The following MEGF8 variants were observed in gnomAD, a reference collection of about 807,000 sequenced individuals.
The protein encoded by MEGF8 is multiple EGF like domains 8.
MEGF8 carries 156 observed loss-of-function variants against 302.9 expected under a neutral mutation model. That is an observed-to-expected ratio of 0.52 (90% CI 0.45 to 0.59). The LOEUF is 0.59. Ranked by LOEUF, MEGF8 falls within the 20% of genes least tolerant of loss-of-function variation. The probability of loss-of-function intolerance (pLI) is 0.00; values close to 1 mark genes in which losing one functional copy is unlikely to be tolerated. For missense variants in MEGF8, 3,345 were observed against 3,964.5 expected, an observed-to-expected ratio of 0.84 and a Z score of 4.20; for synonymous variants, 1,621 against 1,660.5, an observed-to-expected ratio of 0.98 and a Z score of 0.58.
At chr19:42,366,211 C>G (rs1329861965) in intron 35 of MEGF8, among the ~76,000 whole-genome samples, 1 of 152,054 alleles carries the variant, frequency 6.6e-6, no homozygotes, top group Non-Finnish European at 1.5e-5. Flanking sequence ...TTCTTTTTTT[C>G]TTTTTTTGAA....
rs1243263852 is a variant in MEGF8 at position 42,356,795 on chromosome 19, G to A, written c.4644G>A (p.Arg1548=). ...CCAGGTACTCAGTGAGTGAGCGGCG[G>A]TGGACACAGATGCTGGCGGGAGCCG... ...NLYRYSVSER[R]WTQMLAGAED... is the part of the protein sequence containing the mutation. Residue 1548 remains arginine, a synonymous_variant, in exon 27 of 42, where the codon CGG becomes CGA. Coordinates refer to ENST00000251268, the MANE Select transcript of MEGF8 (RefSeq NM_001271938.2). This position sits in a 1 kb window ranked among gnomAD's most constrained non-coding sequence, Gnocchi z 5.2. 6.4e-7 allele frequency: 1 copy of A among 1,554,330 alleles called. No individual in the cohort carries two copies. The highest frequency in any genetic ancestry group is 8.7e-7 in the Non-Finnish European group (1 of 1,149,102).
chr19:42,336,218 C>T lies in MEGF8; in HGVS notation c.1116C>T (p.Ser372=), dbSNP rs746659886. ...TCCGTTTCCGCCTTGACAGCACCAG[C>T]GGGGGCTATTGGGAGCAGGTGATTC... The part of the protein sequence containing the change: ...GLFRFRLDST[S]GGYWEQVIPA... Residue 372 remains serine, a synonymous_variant, in exon 6 of 42, where the codon AGC becomes AGT. Coordinates refer to ENST00000251268, the MANE Select transcript of MEGF8 (RefSeq NM_001271938.2). This position sits in a 1 kb window ranked among gnomAD's most constrained non-coding sequence, Gnocchi z 4.8. 1.5e-4 allele frequency: 242 copies of T among 1,609,736 alleles called. 3 individuals are homozygous for T. Among genetic ancestry groups the T allele is most frequent in the Middle Eastern group, 4.9e-4 (3 of 6,062 alleles).
chr19:42,356,698 C>T lies in MEGF8; in HGVS notation c.4623-76C>T. ...AAGGTCACCCCAGGGGATGCGGGGA[C>T]ATCTGTCAGGCAGGGTCACCTTGAA... On this transcript the variant is annotated intron_variant, in intron 26 of 41. Coordinates refer to ENST00000251268, the MANE Select transcript of MEGF8 (RefSeq NM_001271938.2). The surrounding 1 kb of genome is among the most constrained non-coding windows in gnomAD (Gnocchi z 5.2). The T allele has an allele frequency of 7.0e-7, 1 of 1,425,398 alleles. No individual in the cohort carries two copies. The highest frequency in any genetic ancestry group is 1.4e-5 in the South Asian group (1 of 72,756). The allele number at this position is 1,425,398 out of a possible 1,614,324, so 88.3% of individuals were successfully genotyped here. A position where few individuals can be genotyped will look rare whatever the true frequency, so the allele number is the denominator to read the frequency against.
At chr19:42,371,515 G>T (rs775764931) in intron 41 of MEGF8, 33 bp downstream of exon 41, 2 of 1,613,022 alleles carry the variant, frequency 1.2e-6, no homozygotes, top group Non-Finnish European at 8.5e-7. Context: ...TGGGCCGAGG[G>T]CCCTACACCT....
Position 42,359,231 on chromosome 19 carries a change from C to G in MEGF8, c.5477C>G (p.Pro1826Arg), listed in dbSNP as rs373601254. Residue 1826 changes from proline (P) to arginine (R), a missense_variant, in exon 31 of 42, where the codon CCC (proline) becomes CGC (arginine). Coordinates refer to ENST00000251268, the MANE Select transcript of MEGF8 (RefSeq NM_001271938.2). ...GTCAACTGCAATGCCTGGCTTCTGC[C>G]CGACCTCACCCGTAAGTCCCCATTG... Reference protein sequence around the residue: ...YQVNCNAWLLPDLTRSASVGP... With the variant: ...YQVNCNAWLLRDLTRSASVGP... The G allele has an allele frequency of 2.3e-5, 36 of 1,570,022 alleles. No individual in the cohort carries two copies. Among genetic ancestry groups the G allele is most frequent in the Non-Finnish European group, 2.8e-5 (32 of 1,157,682 alleles).
At position 42,370,737 on chromosome 19, in the gene MEGF8, G is replaced by C; in HGVS notation, c.7042G>C (p.Glu2348Gln). The change falls in exon 40 of 42, where the codon GAG becomes CAG. Residue 2348 changes from glutamate to glutamine, a missense_variant. Glu to Gln is a conservative substitution (Grantham distance 29). Coordinates refer to ENST00000251268, the MANE Select transcript of MEGF8 (RefSeq NM_001271938.2). ...NWVTEGPSEDEAVCVNCQNNS... is the reference protein window; with the variant it reads ...NWVTEGPSEDQAVCVNCQNNS... The stretch of plus-strand genomic sequence containing the variant: ...GGTGACAGAGGGTCCTAGTGAAGAC[G>C]AGGCCGTGTGCGTGAACTGCCAGAA... 1 of 1,588,258 alleles carries C rather than the reference G, an allele frequency of 6.3e-7. No homozygotes were observed. Among genetic ancestry groups the C allele is most frequent in the South Asian group, 1.1e-5 (1 of 86,974 alleles).
At position 42,352,135 on chromosome 19, in the gene MEGF8, T is replaced by G. The variant is rs2039383386; in HGVS notation, c.3102-73T>G. The G allele has an allele frequency of 3.5e-6, 5 of 1,443,712 alleles. No homozygotes were observed. The highest frequency in any genetic ancestry group is 4.6e-6 in the Non-Finnish European group (5 of 1,091,290). The allele number at this position is 1,443,712 out of a possible 1,614,324, so 89.4% of individuals were successfully genotyped here. A position where few individuals can be genotyped will look rare whatever the true frequency, so the allele number is the denominator to read the frequency against. ...CTCTCCTTCCAATTGGCCTCCTCTC[T>G]CCCTGTCATTGTTTCTATGTATGGC... On this transcript the variant is annotated intron_variant, in intron 18 of 41. Coordinates refer to ENST00000251268, the MANE Select transcript of MEGF8 (RefSeq NM_001271938.2). This position sits in a 1 kb window ranked among gnomAD's most constrained non-coding sequence, Gnocchi z 4.4.
In MEGF8 at chr19:42,356,258, T is replaced by C. The variant is rs970750366; in HGVS notation, c.4503+65T>C. 1.6e-5 allele frequency: 24 copies of C among 1,529,964 alleles called. No homozygotes were observed. The highest frequency in any genetic ancestry group is 2.2e-4 in the Middle Eastern group (1 of 4,608). The allele number at this position is 1,529,964 out of a possible 1,614,324, so 94.8% of individuals were successfully genotyped here. On this transcript the variant is annotated intron_variant, in intron 25 of 41. Coordinates refer to ENST00000251268, the MANE Select transcript of MEGF8 (RefSeq NM_001271938.2). This position sits in a 1 kb window ranked among gnomAD's most constrained non-coding sequence, Gnocchi z 5.2. ...CAGGTCGTTCTCCCACCTCCATTCC[T>C]GGGACCACCCCTACACCCAGGCCTG...
rs1252854271 is a variant in MEGF8, at chr19:42,352,341, C to T, written c.3235C>T (p.Arg1079Cys). 3 of 1,586,788 alleles carry T rather than the reference C, an allele frequency of 1.9e-6. No homozygotes were observed. Among genetic ancestry groups the T allele is most frequent in the Middle Eastern group, 1.7e-4 (1 of 5,992 alleles). The change falls in exon 19 of 42, where the codon CGC becomes TGC. Residue 1079 changes from arginine to cysteine, a missense_variant. Physicochemically the swap from Arg to Cys is radical, Grantham distance 180. Transcript: ENST00000251268. The surrounding 1 kb of genome is among the most constrained non-coding windows in gnomAD (Gnocchi z 4.4). Reference sequence around the variant, plus strand: ...CCGCTGTCCTGACGTGGATGAGTGTCGCCTGGGCCTGGCCCGGTGCCACCC... The same window carrying T: ...CCGCTGTCCTGACGTGGATGAGTGTTGCCTGGGCCTGGCCCGGTGCCACCC... The part of the protein sequence containing the change: ...YARCPDVDEC[R>C]LGLARCHPRA...
rs531381174 is a variant in MEGF8 at position 42,353,968 on chromosome 19, A to G, written c.3955A>G (p.Thr1319Ala). Residue 1319 changes from threonine (T) to alanine (A), a missense_variant, in exon 22 of 42, where the codon ACC becomes GCC. Transcript: ENST00000251268. The surrounding 1 kb of genome is among the most constrained non-coding windows in gnomAD (Gnocchi z 6.1). ...TEELQPCAPGTLCPPLTLTFS... is the reference protein window; with the variant it reads ...TEELQPCAPGALCPPLTLTFS... ...GGAGCTACAGCCCTGTGCTCCCGGG[A>G]CCCTCTGTCCCCCACTCACCCTCAC... 1.4e-5 allele frequency: 22 copies of G among 1,581,762 alleles called. No individual in the cohort carries two copies. Among genetic ancestry groups the G allele is most frequent in the African/African-American group, 8.1e-5 (6 of 73,804 alleles).
rs1180504307 is a variant in MEGF8, at chr19:42,375,143, T to C, written c.7270-364T>C. 6.6e-6 allele frequency among the ~76,000 whole-genome samples: 1 copy of C among 152,134 alleles called. No individual in the cohort carries two copies. The highest frequency in any genetic ancestry group is 1.5e-5 in the Non-Finnish European group (1 of 68,014). On this transcript the variant is annotated intron_variant, in intron 41 of 41. Transcript: ENST00000251268. This position sits in a 1 kb window ranked among gnomAD's most constrained non-coding sequence, Gnocchi z 7.1. ...GTGCAGAGCTCATGGGTTAAGTCTG[T>C]GTGCTCAGGCTCAGTGAGGTTAAGT...
intron 1 of MEGF8, among the ~76,000 whole-genome samples, chr19:42,330,094 C>T (rs2039036377): frequency 6.6e-6 from 1 of 152,034 alleles, no homozygotes; most frequent in African/African-American, 2.4e-5. Flanking sequence ...AGGCATGTGC[C>T]ACCATGCCGG....
Position 42,368,579 on chromosome 19 carries a change from GC to G in MEGF8, c.6403del (p.His2135IlefsTer28). Reference sequence around the variant, plus strand: ...ACTCAGTGCGCCTTGTGCCTGCGGCGCCCCCATTGCGGCTGGTGTGCCTGGG... The same window carrying G: ...ACTCAGTGCGCCTTGTGCCTGCGGCGCCCCATTGCGGCTGGTGTGCCTGGG... Reference protein sequence around the residue: ...QATQCALCLRRPHCGWCAWGG... With the variant: ...QATQCALCLRXPHCGWCAWGG... On this transcript the variant is annotated frameshift_variant, in exon 36 of 42. Transcript: ENST00000251268. LOFTEE classifies it high-confidence loss of function. The surrounding 1 kb of genome is among the most constrained non-coding windows in gnomAD (Gnocchi z 4.9). The G allele has an allele frequency of 2.5e-6, 4 of 1,582,770 alleles. No individual in the cohort carries two copies. The highest frequency in any genetic ancestry group is 3.4e-6 in the Non-Finnish European group (4 of 1,165,012).
chr19:42,341,344 G>T (rs1488813784), intron 8 of MEGF8, among the ~76,000 whole-genome samples: 2 of 149,066 alleles, frequency 1.3e-5, no homozygotes, highest in South Asian at 2.1e-4. Context: ...CAGGAGAATC[G>T]CTTGAACCCA....
chr19:42,375,398 G>C lies in MEGF8; in HGVS notation c.7270-109G>C, dbSNP rs1268805756. ...ACTGGGGCAGTGGGGGTGAGGCCCA[G>C]GGCAATGGCTACTTAGCAGTGGGTA... is the stretch of plus-strand genomic sequence containing the variant. On this transcript the variant is annotated intron_variant, in intron 41 of 41. Transcript: ENST00000251268. The surrounding 1 kb of genome is among the most constrained non-coding windows in gnomAD (Gnocchi z 7.1). The C allele has an allele frequency of 8.6e-7, 1 of 1,157,118 alleles. No individual in the cohort carries two copies. The highest frequency in any genetic ancestry group is 1.6e-5 in the African/African-American group (1 of 64,252). The allele number at this position is 1,157,118 out of a possible 1,614,324, so 71.7% of individuals were successfully genotyped here. A position where few individuals can be genotyped will look rare whatever the true frequency, so the allele number is the denominator to read the frequency against.
In MEGF8 at chr19:42,370,181, G is replaced by A. The variant is rs1385731130; in HGVS notation, c.6835-8G>A. 1.2e-6 allele frequency: 2 copies of A among 1,609,530 alleles called. No individual in the cohort carries two copies. The highest frequency in any genetic ancestry group is 2.7e-5 in the African/African-American group (2 of 74,872). On this transcript the variant is annotated splice_region_variant and splice_polypyrimidine_tract_variant and intron_variant, in intron 38 of 41. Coordinates refer to ENST00000251268, the MANE Select transcript of MEGF8 (RefSeq NM_001271938.2). ...AGCCTCTCTAACTACCCTGTCCTGG[G>A]TTCTCAGGGCAGCCACTGTGAGCAG...
Position 42,356,659 on chromosome 19 carries a change from A to G in MEGF8, c.4623-115A>G, listed in dbSNP as rs2039456973. ...TGGTGCTACTCCAGGGAATGGCAAG[A>G]GGACTGTCATAGGAAGGTCACCCCA... On this transcript the variant is annotated intron_variant, in intron 26 of 41. Transcript: ENST00000251268. This position sits in a 1 kb window ranked among gnomAD's most constrained non-coding sequence, Gnocchi z 5.2. 5.3e-6 allele frequency: 6 copies of G among 1,135,910 alleles called. No homozygotes were observed. The highest frequency in any genetic ancestry group is 7.4e-6 in the Non-Finnish European group (6 of 813,768). 70.4% of individuals were successfully genotyped at this position (1,135,910 alleles called of 1,614,324 possible).
At chr19:42,334,981 T>C in intron 3 of MEGF8, 54 bp from the exon 4 acceptor site, 1 of 1,532,642 alleles carries the variant, frequency 6.5e-7, no homozygotes, top group Non-Finnish European at 8.8e-7. Flanking sequence ...CCTTTGTCTC[T>C]CTGTCCTTGT....
Position 42,370,827 on chromosome 19 carries a change from A to G in MEGF8, c.7132A>G (p.Thr2378Ala), listed in dbSNP as rs1198259417. 1 of 539,532 alleles carries G rather than the reference A, an allele frequency of 1.9e-6. No individual in the cohort carries two copies. The highest frequency in any genetic ancestry group is 2.8e-5 in the Admixed American group (1 of 35,744). 33.4% of individuals were successfully genotyped at this position (539,532 alleles called of 1,614,324 possible). A position where few individuals can be genotyped will look rare whatever the true frequency, so the allele number is the denominator to read the frequency against. ...CTACTTCCTCCTGGACGGGAAGTGC[A>G]CCAAGTAAGAGGAACCGGGGGGGGG... ...QGYFLLDGKC[T>A]KCQCNGHADT... Residue 2378 changes from threonine (T) to alanine (A), a missense_variant, in exon 40 of 42, where the codon ACC becomes GCC. Thr to Ala is a moderately conservative substitution (Grantham distance 58, BLOSUM62 0). Transcript: ENST00000251268.
Sources: gnomAD v4.1 joint callset for allele counts (sites outside exome capture counted in the v4.1 genomes callset) on GRCh38, gnomAD v4.1.1 for gene constraint, Gnocchi (gnomAD v3.1) non-coding constraint, MANE v1.5 for transcripts, NCBI Gene and HGNC (gene_info 2026-07-23, HGNC 2026-07-21) for gene names.